Variants in PDIK1L observed in about 807,000 individuals in gnomAD.
The protein encoded by PDIK1L is serine/threonine-protein kinase PDIK1L.
Under a neutral mutation model 27.1 loss-of-function variants are expected in PDIK1L, and 9 were observed. The observed-to-expected ratio is 0.33, with a 90% CI of 0.20 to 0.58. The LOEUF (loss-of-function observed/expected upper bound fraction) is 0.58, where lower values mean the gene tolerates loss of function less well. PDIK1L is among the 20% of genes least tolerant of loss of function. PDIK1L has a pLI of 0.86. For missense variants in PDIK1L, 216 were observed against 413.2 expected, an observed-to-expected ratio of 0.52 and a Z score of 4.14; for synonymous variants, 130 against 141.7, an observed-to-expected ratio of 0.92 and a Z score of 0.59.
rs1330802719 is a variant in PDIK1L at position 26,114,391 on chromosome 1, G to A, written c.83G>A (p.Arg28Lys). ...GGTGTTGTGTATGAAGCAGTCATCAGAAAGACCTCTGCACGGGTGGCAGTG... is the reference window on the plus strand; with the variant it reads ...GGTGTTGTGTATGAAGCAGTCATCAAAAAGACCTCTGCACGGGTGGCAGTG... ...SYGVVYEAVI[R>K]KTSARVAVKK... Residue 28 changes from arginine to lysine, a missense_variant, in exon 2 of 3, where the codon AGA becomes AAA. By Grantham distance (26) the Arg-to-Lys change is conservative. Around this residue, in one of 2 missense-constraint regions of PDIK1L, gnomAD observed 47 missense variants for 47.2 expected, o/e 1.00. Coordinates refer to ENST00000374269, the MANE Select transcript of PDIK1L (RefSeq NM_152835.5). This position sits in a 1 kb window ranked among gnomAD's most constrained non-coding sequence, Gnocchi z 4.8. 1.9e-6 allele frequency: 3 copies of A among 1,614,070 alleles called. No homozygotes were observed. Among genetic ancestry groups the A allele is most frequent in the African/African-American group, 2.7e-5 (2 of 75,052 alleles).
intron 2 of PDIK1L, among the ~76,000 whole-genome samples, chr1:26,115,702 T>A (rs2087864118): frequency 6.6e-6 from 1 of 151,500 alleles, no homozygotes; most frequent in Non-Finnish European, 1.5e-5. Context: ...CTGGGGAGGC[T>A]GAGGCAGGAG....
intron 2 of PDIK1L, among the ~76,000 whole-genome samples, chr1:26,120,128 A>T (rs2087953544): frequency 6.6e-6 from 1 of 152,184 alleles, no homozygotes; most frequent in Admixed American, 6.5e-5. Flanking sequence ...TATGGTTTCG[A>T]TGCTAAAAAT....
chr1:26,113,234 A>T (rs2087825455), intron 1 of PDIK1L, among the ~76,000 whole-genome samples: 1 of 152,198 alleles, frequency 6.6e-6, no homozygotes, highest in South Asian at 2.1e-4. Flanking sequence ...TCACGCCCGT[A>T]ATCCCAGCAC....
chr1:26,118,013 T>C (rs1481400329), intron 2 of PDIK1L, among the ~76,000 whole-genome samples: 2 of 151,624 alleles, frequency 1.3e-5, no homozygotes, highest in East Asian at 1.9e-4. Flanking sequence ...TGAGCCGAGA[T>C]TGGGCCACTG....
In PDIK1L at chr1:26,114,015, C is replaced by T. The variant is rs966924883; in HGVS notation, c.-17-277C>T. On this transcript the variant is annotated intron_variant, in intron 1 of 2. Transcript: ENST00000374269. This position sits in a 1 kb window ranked among gnomAD's most constrained non-coding sequence, Gnocchi z 4.8. ...TAACCTCTCCATTATATAGTTTCAT[C>T]TATAAAAAGACCATAATAGTATCTA... Among the ~76,000 whole-genome samples, 5 of 152,120 alleles carry T rather than the reference C, an allele frequency of 3.3e-5. No individual in the cohort carries two copies. Among genetic ancestry groups the T allele is most frequent in the African/African-American group, 1.2e-4 (5 of 41,412 alleles).
intron 2 of PDIK1L, among the ~76,000 whole-genome samples, chr1:26,120,778 C>A (rs2087966643): frequency 6.6e-6 from 1 of 151,954 alleles, no homozygotes; most frequent in African/African-American, 2.4e-5. Flanking sequence ...ATGGTGAAAC[C>A]CCGTCTCTAC....
rs1288693798 is a variant in PDIK1L, at chr1:26,114,431, T to C, written c.123T>C (p.Cys41=). The C allele has an allele frequency of 1.9e-6, 3 of 1,614,080 alleles. No homozygotes were observed. In the East Asian group the frequency reaches 6.7e-5, roughly 36 times the overall value. Residue 41 remains cysteine (C), a synonymous_variant, in exon 2 of 3, where the codon TGT becomes TGC. Transcript: ENST00000374269. The surrounding 1 kb of genome is among the most constrained non-coding windows in gnomAD (Gnocchi z 4.8). ...SARVAVKKIR[C]HAPENVELAL... is the part of the protein sequence containing the mutation. The stretch of plus-strand genomic sequence containing the variant: ...GGGTGGCAGTGAAGAAAATTCGATG[T>C]CACGCACCTGAAAATGTTGAACTAG...
chr1:26,117,336 C>T (rs956124303), intron 2 of PDIK1L, among the ~76,000 whole-genome samples: 1 of 152,092 alleles, frequency 6.6e-6, no homozygotes. Flanking sequence ...CCAGCCAATG[C>T]CCTGAAGTTT....
intron 2 of PDIK1L, among the ~76,000 whole-genome samples, chr1:26,118,086 T>C (rs1001504817): frequency 6.6e-6 from 1 of 151,522 alleles, no homozygotes; most frequent in Non-Finnish European, 1.5e-5. Flanking sequence ...GATAGAACCT[T>C]GCTGAACTTT....
rs2087994192 is a variant in PDIK1L at position 26,121,825 on chromosome 1, TC to T, written c.286-10del. On this transcript the variant is annotated splice_polypyrimidine_tract_variant and intron_variant, in intron 2 of 2. Coordinates refer to ENST00000374269, the MANE Select transcript of PDIK1L (RefSeq NM_152835.5). ...TGCAAATGATTGTAATCTTTTTTCT[TC>T]CTTCTTGTAGCTTGTAGAAACTTCA... 6.3e-7 allele frequency: 1 copy of T among 1,589,052 alleles called. No homozygotes were observed. Among genetic ancestry groups the T allele is most frequent in the African/African-American group, 1.4e-5 (1 of 73,372 alleles).
At chr1:26,118,041 G>C (rs940187820) in intron 2 of PDIK1L, among the ~76,000 whole-genome samples, 6 of 149,662 alleles carry the variant, frequency 4.0e-5, no homozygotes, top group African/African-American at 1.5e-4. Flanking sequence ...GCCTGGGCAA[G>C]AGCCAGACCC....
At position 26,123,707 on chromosome 1, in the gene PDIK1L, A is replaced by G. The variant is rs962928791; in HGVS notation, c.*1130A>G. 3 of 152,708 alleles carry G rather than the reference A, an allele frequency of 2.0e-5. No homozygotes were observed. The highest frequency in any genetic ancestry group is 7.2e-5 in the African/African-American group (3 of 41,564). 9.5% of individuals were successfully genotyped at this position (152,708 alleles called of 1,614,324 possible). A position where few individuals can be genotyped will look rare whatever the true frequency, so the allele number is the denominator to read the frequency against. ...GTACTGGTAATAATATGGTTGTTGA[A>G]AATGTGATCACCTTTATCTAAAGTG... On this transcript the variant is annotated 3_prime_UTR_variant, in exon 3 of 3. Coordinates refer to ENST00000374269, the MANE Select transcript of PDIK1L (RefSeq NM_152835.5).
rs1217757139 is a variant in PDIK1L, at chr1:26,119,380, C to T, written c.286-2457C>T. ...CCATGATGGTGCCACTGCACTCCAA[C>T]CTGGGTAGTAGAGCAAGACCTTGTC... is the stretch of plus-strand genomic sequence containing the variant. On this transcript the variant is annotated intron_variant, in intron 2 of 2. Coordinates refer to ENST00000374269, the MANE Select transcript of PDIK1L (RefSeq NM_152835.5). Among the ~76,000 whole-genome samples, 43 of 151,918 alleles carry T rather than the reference C, an allele frequency of 2.8e-4. 1 individual carries two copies. The highest frequency in any genetic ancestry group is 2.8e-3 in the Admixed American group (43 of 15,258).
intron 2 of PDIK1L, among the ~76,000 whole-genome samples, chr1:26,120,049 T>A (rs2124473469): frequency 6.6e-6 from 1 of 152,308 alleles, no homozygotes; most frequent in African/African-American, 2.4e-5. Flanking sequence ...ATCCTCTACA[T>A]GTTAAAATAA....
intron 1 of PDIK1L, among the ~76,000 whole-genome samples, chr1:26,113,195 A>T (rs2087824660): frequency 6.6e-6 from 1 of 152,246 alleles, no homozygotes. Flanking sequence ...TTTATTTTTA[A>T]GTAAATGTTT....
intron 2 of PDIK1L, among the ~76,000 whole-genome samples, chr1:26,115,178 T>C (rs1293615271): frequency 6.6e-6 from 1 of 152,246 alleles, no homozygotes; most frequent in African/African-American, 2.4e-5. Flanking sequence ...TAAAAGCAGT[T>C]GCTCAAAACA....
chr1:26,114,263 T>G lies in PDIK1L; in HGVS notation c.-17-29T>G. The G allele has an allele frequency of 6.4e-7, 1 of 1,568,420 alleles. No homozygotes were observed. Among genetic ancestry groups the G allele is most frequent in the Non-Finnish European group, 8.7e-7 (1 of 1,153,310 alleles). ...TACAAGCCAGTAGGTATACATAATT[T>G]CAACAGAGCACTTTGTTGATTTTTC... On this transcript the variant is annotated intron_variant, in intron 1 of 2. Coordinates refer to ENST00000374269, the MANE Select transcript of PDIK1L (RefSeq NM_152835.5). The surrounding 1 kb of genome is among the most constrained non-coding windows in gnomAD (Gnocchi z 4.8).
At chr1:26,116,519 CAAAAA>C (rs1470622362) in intron 2 of PDIK1L, among the ~76,000 whole-genome samples, 3 of 151,902 alleles carry the variant, frequency 2.0e-5, no homozygotes, top group African/African-American at 7.2e-5. Flanking sequence ...TCCCCCAAAA[CAAAAA>C]AGAAAACAAA....
intron 1 of PDIK1L, among the ~76,000 whole-genome samples, chr1:26,113,743 T>G (rs1321176947): frequency 6.6e-6 from 1 of 152,186 alleles, no homozygotes; most frequent in Non-Finnish European, 1.5e-5. Flanking sequence ...TTTTTGCTGT[T>G]TTATGACCAT....
Sources: allele counts gnomAD v4.1 joint callset (sites outside exome capture counted in the v4.1 genomes callset), GRCh38; gene constraint gnomAD v4.1.1; regional missense constraint gnomAD v4.1.1; non-coding constraint Gnocchi (gnomAD v3.1); transcripts MANE v1.5; gene names NCBI Gene and HGNC (gene_info 2026-07-23, HGNC 2026-07-21).